The following DPP10 variants were observed in gnomAD, a reference collection of about 807,000 sequenced individuals.
DPP10 encodes the protein inactive dipeptidyl peptidase 10.
A neutral mutation model predicts 120.9 loss-of-function variants in DPP10; 33 were observed. The ratio of observed to expected loss-of-function variants is 0.27; its 90% CI spans 0.21 to 0.37. DPP10 has a LOEUF of 0.37. DPP10 is among the 10% of genes least tolerant of loss of function. DPP10 has a pLI of 1.00. For synonymous variants in DPP10, 337 were observed against 326.1 expected (o/e 1.03, Z -0.36); for missense variants, 816 against 942.8 (o/e 0.87, Z 1.76).
At chr2:114,554,704 C>T (rs1688150824) in intron 1 of DPP10, among the ~76,000 whole-genome samples, 1 of 152,210 alleles carries the variant, frequency 6.6e-6, no homozygotes, top group South Asian at 2.1e-4. Context: ...CAAAACATCT[C>T]CCTTATTGCC....
intron 1 of DPP10, among the ~76,000 whole-genome samples, chr2:114,954,120 G>A (rs573471306): frequency 8.1e-4 from 108 of 133,912 alleles, no homozygotes; most frequent in African/African-American, 2.9e-3. Context: ...TCACTCTGTA[G>A]CCCAGGCTGG....
At chr2:114,598,471 A>G (rs1383148066) in intron 1 of DPP10, among the ~76,000 whole-genome samples, 1 of 151,964 alleles carries the variant, frequency 6.6e-6, no homozygotes, top group African/African-American at 2.4e-5. Flanking sequence ...AGCAGGAAGT[A>G]GAAGGAGCAC....
At position 114,957,848 on chromosome 2, in the gene DPP10, T is replaced by A. The variant is rs373124091; in HGVS notation, c.61-351391T>A. The stretch of plus-strand genomic sequence containing the variant: ...AAGATTATATTATGTGAAATAAGCC[T>A]GGCACAGGAAGACAAATATCACATA... On this transcript the variant is annotated intron_variant, in intron 1 of 25. Transcript: ENST00000410059. Among the ~76,000 whole-genome samples, 29 of 152,346 alleles carry A rather than the reference T, an allele frequency of 1.9e-4. No individual in the cohort carries two copies. In the East Asian group the frequency reaches 5.4e-3, roughly 28 times the overall value.
intron 1 of DPP10, among the ~76,000 whole-genome samples, chr2:114,540,843 C>T (rs1686891627): frequency 6.6e-6 from 1 of 152,146 alleles, no homozygotes; most frequent in Admixed American, 6.5e-5. Context: ...TAAAACCATA[C>T]ATAAAATGGT....
At chr2:114,576,151 C>G (rs1044949428) in intron 1 of DPP10, among the ~76,000 whole-genome samples, 1 of 152,108 alleles carries the variant, frequency 6.6e-6, no homozygotes, top group Admixed American at 6.5e-5. Flanking sequence ...ATATCAAAGT[C>G]CTAACAGTAA....
chr2:115,824,341 A>G (rs1403157157), intron 21 of DPP10, among the ~76,000 whole-genome samples: 1 of 152,134 alleles, frequency 6.6e-6, no homozygotes, highest in Non-Finnish European at 1.5e-5. Context: ...ACCACGGTAC[A>G]CGTGCAGAAT....
intron 5 of DPP10, among the ~76,000 whole-genome samples, chr2:115,558,987 G>C (rs904347678): frequency 1.3e-4 from 20 of 152,258 alleles, no homozygotes; most frequent in African/African-American, 4.6e-4. Context: ...AGTTGATCAA[G>C]CTTTCCAGGT....
intron 1 of DPP10, among the ~76,000 whole-genome samples, chr2:114,873,079 C>T (rs1044941936): frequency 3.3e-5 from 5 of 152,134 alleles, no homozygotes; most frequent in Admixed American, 6.6e-5. Flanking sequence ...AAGCAATTAT[C>T]GAAGGCCACC....
intron 2 of DPP10, among the ~76,000 whole-genome samples, chr2:115,335,669 G>C (rs891471420): frequency 2.0e-5 from 3 of 152,060 alleles, no homozygotes; most frequent in Admixed American, 6.6e-5. Flanking sequence ...ATTTAATCTT[G>C]ACTATTGTGA....
rs563485933 is a variant in DPP10 at position 114,749,095 on chromosome 2, T to G, written c.60+306257T>G. On this transcript the variant is annotated intron_variant, in intron 1 of 25. Transcript: ENST00000410059. ...TTCCTGACTTTTGAATGATTGCCAT[T>G]CTAACTGGTGTGAGATGATATCTCA... 1.9e-4 allele frequency among the ~76,000 whole-genome samples: 28 copies of G among 145,018 alleles called. 1 individual carries two copies. Among genetic ancestry groups the G allele is most frequent in the African/African-American group, 7.3e-4 (28 of 38,570 alleles).
intron 3 of DPP10, among the ~76,000 whole-genome samples, chr2:115,435,459 A>G (rs1829229): frequency 0.6 from 90,914 of 151,610 alleles, 28,540 homozygotes; most frequent in Middle Eastern, 0.74. Context: ...GATGTTCAAC[A>G]TTTTTTCATA....
At chr2:114,890,798 C>T (rs971876289) in intron 1 of DPP10, among the ~76,000 whole-genome samples, 2 of 152,140 alleles carry the variant, frequency 1.3e-5, no homozygotes, top group African/African-American at 4.8e-5. Flanking sequence ...GTTTAGAGCA[C>T]GGTAGCAGGG....
chr2:114,674,629 T>A (rs1698554459), intron 1 of DPP10, among the ~76,000 whole-genome samples: 1 of 152,162 alleles, frequency 6.6e-6, no homozygotes, highest in Admixed American at 6.6e-5. Context: ...ATGGTAGCAA[T>A]GATGACCCCA....
chr2:114,715,196 T>C (rs1371152035), intron 1 of DPP10, among the ~76,000 whole-genome samples: 1 of 152,122 alleles, frequency 6.6e-6, no homozygotes, highest in African/African-American at 2.4e-5. Context: ...AAGACAGTAA[T>C]TAAGCACCAA....
At chr2:114,547,082 T>G (rs1027906566) in intron 1 of DPP10, among the ~76,000 whole-genome samples, 1 of 152,270 alleles carries the variant, frequency 6.6e-6, no homozygotes, top group Admixed American at 6.5e-5. Flanking sequence ...CCGCATCATG[T>G]GTGTGCGGTA....
chr2:114,505,076 A>AG, intron 1 of DPP10, among the ~76,000 whole-genome samples: 1 of 146,722 alleles, frequency 6.8e-6, no homozygotes, highest in East Asian at 2.0e-4. Flanking sequence ...AAAAAAAAAA[A>AG]GAAGGAAACT....
chr2:114,801,920 C>T (rs1208377004), intron 1 of DPP10, among the ~76,000 whole-genome samples: 2 of 151,800 alleles, frequency 1.3e-5, no homozygotes, highest in Non-Finnish European at 1.5e-5. Context: ...TTCATGTGGA[C>T]TCAACTTATC....
At chr2:114,915,252 A>G (rs530716145) in intron 1 of DPP10, among the ~76,000 whole-genome samples, 121 of 152,378 alleles carry the variant, frequency 7.9e-4, no homozygotes, top group African/African-American at 2.8e-3. Context: ...AAAATGATCA[A>G]AAAAGACAAA....
intron 1 of DPP10, among the ~76,000 whole-genome samples, chr2:114,933,833 G>GA (rs1237707733): frequency 1.3e-5 from 2 of 152,136 alleles, no homozygotes; most frequent in Non-Finnish European, 2.9e-5. Flanking sequence ...AGGGGCCTAA[G>GA]AATTTTCACC....
Sources: allele counts gnomAD v4.1 joint callset (sites outside exome capture counted in the v4.1 genomes callset), GRCh38; gene constraint gnomAD v4.1.1; transcripts MANE v1.5; gene names NCBI Gene and HGNC (gene_info 2026-07-23, HGNC 2026-07-21).